USP32: variants seen among roughly 807,000 people sequenced by gnomAD.
USP32 encodes ubiquitin carboxyl-terminal hydrolase 32.
USP32 carries 59 observed loss-of-function variants against 204.8 expected under a neutral mutation model. The observed-to-expected ratio is 0.29, with a 90% CI of 0.23 to 0.36. The LOEUF (loss-of-function observed/expected upper bound fraction) is 0.36. Ranked by LOEUF, USP32 falls within the 10% of genes least tolerant of loss-of-function variation. USP32 has a pLI of 1.00. For synonymous variants in USP32, 517 were observed against 678.4 expected, an observed-to-expected ratio of 0.76 and a Z score of 3.70; for missense variants, 1,160 against 1,946.4, an observed-to-expected ratio of 0.60 and a Z score of 7.60.
intron 2 of USP32, among the ~76,000 whole-genome samples, chr17:60,327,580 G>A (rs898011611): frequency 6.6e-6 from 1 of 152,000 alleles, no homozygotes; most frequent in African/African-American, 2.4e-5. Context: ...GGCAGAGAGG[G>A]GCCCAGCGAG....
intron 1 of USP32, among the ~76,000 whole-genome samples, chr17:60,406,829 C>CT (rs1193554948): frequency 6.6e-6 from 1 of 152,030 alleles, no homozygotes; most frequent in Non-Finnish European, 1.5e-5. Flanking sequence ...TTCTTTCTTT[C>CT]TTTCTTTTTT....
chr17:60,244,850 T>C (rs566301855), intron 11 of USP32, among the ~76,000 whole-genome samples: 4 of 152,364 alleles, frequency 2.6e-5, no homozygotes, highest in African/African-American at 9.6e-5. Context: ...CAGGCTGGTA[T>C]CGAACTCCTG....
chr17:60,380,257 T>C (rs985960220), intron 1 of USP32, among the ~76,000 whole-genome samples: 3 of 152,144 alleles, frequency 2.0e-5, no homozygotes, highest in Non-Finnish European at 2.9e-5. Flanking sequence ...TCTCATCTGA[T>C]CTCAGAATAA....
At chr17:60,182,392 CATGTT>C (rs2084133486) in intron 31 of USP32, among the ~76,000 whole-genome samples, 1 of 152,178 alleles carries the variant, frequency 6.6e-6, no homozygotes, top group Non-Finnish European at 1.5e-5. Context: ...TATTCCATGT[CATGTT>C]ATCTCTCACA....
At chr17:60,333,714 G>A (rs527381221) in intron 2 of USP32, among the ~76,000 whole-genome samples, 2 of 151,534 alleles carry the variant, frequency 1.3e-5, no homozygotes, top group African/African-American at 4.8e-5. Flanking sequence ...AGGGGAGGGG[G>A]AAGAAGAGGA....
At chr17:60,391,414 C>T (rs1340587699) in intron 1 of USP32, among the ~76,000 whole-genome samples, 3 of 152,220 alleles carry the variant, frequency 2.0e-5, no homozygotes, top group Non-Finnish European at 4.4e-5. Flanking sequence ...TACGAAGGGG[C>T]TTCCAGTAGC....
At chr17:60,275,605 CATTT>C (rs1398381178) in intron 5 of USP32, among the ~76,000 whole-genome samples, 3 of 152,206 alleles carry the variant, frequency 2.0e-5, no homozygotes, top group Non-Finnish European at 4.4e-5. Context: ...TAGTAACTTT[CATTT>C]ATTTATTTAT....
At chr17:60,219,439 T>C (rs2085183552) in intron 16 of USP32, 2 of 462,490 alleles carry the variant, frequency 4.3e-6, no homozygotes, top group East Asian at 1.0e-4. Flanking sequence ...CAACCCCTCA[T>C]CTAGTCTTGT....
chr17:60,337,351 A>C (rs1378795544), intron 2 of USP32, among the ~76,000 whole-genome samples: 3 of 152,178 alleles, frequency 2.0e-5, no homozygotes, highest in Non-Finnish European at 4.4e-5. Flanking sequence ...AGTTTCCTCT[A>C]ATCTAGAAAA....
At chr17:60,337,582 G>A (rs1030624085) in intron 2 of USP32, among the ~76,000 whole-genome samples, 1 of 152,102 alleles carries the variant, frequency 6.6e-6, no homozygotes, top group Non-Finnish European at 1.5e-5. Context: ...TGCCCATCAA[G>A]AATAACAATT....
chr17:60,258,896 T>C (rs908425997), intron 9 of USP32, among the ~76,000 whole-genome samples: 2 of 152,214 alleles, frequency 1.3e-5, no homozygotes, highest in African/African-American at 4.8e-5. Context: ...TTTTTTGACC[T>C]TTCCATTCTT....
chr17:60,258,537 A>C (rs531689746), intron 9 of USP32: 1 of 154,022 alleles, frequency 6.5e-6, no homozygotes, highest in Admixed American at 6.5e-5. Flanking sequence ...GACAAAAGTG[A>C]CTTTGTTGTT....
rs780705739 is a variant in USP32, at chr17:60,185,598, G to A, written c.3696C>T (p.Pro1232=). The change falls in exon 30 of 34, where the codon CCC becomes CCT. Residue 1232 remains proline (P), a synonymous_variant. Transcript: ENST00000300896. ...CACGGAGACAGCTGTCCAGGTTGAT[G>A]GGCTCGGCTTGCGCTCGCCGACTCT... is the stretch of plus-strand genomic sequence containing the variant. The part of the protein sequence containing the change: ...VEQSRRAQAE[P]INLDSCLRAF... 1 of 1,611,828 alleles carries A rather than the reference G, an allele frequency of 6.2e-7. No individual in the cohort carries two copies. The highest frequency in any genetic ancestry group is 1.3e-5 in the African/African-American group (1 of 74,834).
intron 30 of USP32, 50 bp from the exon 31 acceptor site, chr17:60,183,503 C>T (rs184630769): frequency 4.0e-6 from 6 of 1,513,896 alleles, no homozygotes; most frequent in African/African-American, 1.4e-5. Context: ...TCTGAAGATA[C>T]AAAATTTACA....
At chr17:60,234,465 C>T (rs914489674) in intron 12 of USP32, among the ~76,000 whole-genome samples, 3 of 150,684 alleles carry the variant, frequency 2.0e-5, no homozygotes, top group African/African-American at 7.3e-5. Context: ...TGGTGGTTCA[C>T]GCCTGTAATC....
In USP32 at chr17:60,345,656, G is replaced by T. The variant is rs372250183; in HGVS notation, c.59-48C>A. ...GGGTAAGAAATCAGGAGAGAAAAGA[G>T]GTGTCTCATAATTTTTTTCAACCTG... is the stretch of plus-strand genomic sequence containing the variant. On this transcript the variant is annotated intron_variant, in intron 1 of 33. Coordinates refer to ENST00000300896, the MANE Select transcript of USP32 (RefSeq NM_032582.4). 7 of 1,611,262 alleles carry T rather than the reference G, an allele frequency of 4.3e-6. No individual in the cohort carries two copies. In the East Asian group the frequency reaches 1.3e-4, roughly 31 times the overall value.
chr17:60,220,659 T>G (rs2085220578), intron 15 of USP32, among the ~76,000 whole-genome samples: 1 of 152,156 alleles, frequency 6.6e-6, no homozygotes, highest in Admixed American at 6.5e-5. Flanking sequence ...TTTTTTTTTT[T>G]TTGAGACACA....
intron 1 of USP32, among the ~76,000 whole-genome samples, chr17:60,354,565 T>C (rs1174888437): frequency 6.6e-6 from 1 of 152,184 alleles, no homozygotes; most frequent in East Asian, 1.9e-4. Context: ...GCAGCTGATC[T>C]GAAGTAAATT....
chr17:60,407,761 G>A lies in USP32; in HGVS notation c.106+14485C>T, dbSNP rs1177175729. Among the ~76,000 whole-genome samples, 7 of 119,574 alleles carry A rather than the reference G, an allele frequency of 5.9e-5. No homozygotes were observed. In the South Asian group the frequency reaches 1.1e-3, roughly 19 times the overall value. The allele number at this position is 119,574 out of a possible 152,430, so 78.4% of individuals were successfully genotyped here. On this transcript the variant is annotated intron_variant, in intron 1 of 3. Transcript: ENST00000588898. ...TAAGCCACTGTGCTCCAGCCTGGGCGACAGAGCAAGCCTCTGTCTCAAAAA... is the reference window on the plus strand; with the variant it reads ...TAAGCCACTGTGCTCCAGCCTGGGCAACAGAGCAAGCCTCTGTCTCAAAAA...
Sources: gnomAD v4.1 joint callset for allele counts (sites outside exome capture counted in the v4.1 genomes callset) on GRCh38, gnomAD v4.1.1 for gene constraint, MANE v1.5 for transcripts, NCBI Gene and HGNC (gene_info 2026-07-23, HGNC 2026-07-21) for gene names.